ARHGEF38: variants seen among roughly 807,000 people sequenced by gnomAD.
ARHGEF38 encodes the protein Rho guanine nucleotide exchange factor (GEF) 38.
Under a neutral mutation model 79.9 loss-of-function variants are expected in ARHGEF38, and 79 were observed. That is an observed-to-expected ratio of 0.99 (90% CI 0.82 to 1.19). ARHGEF38 has a LOEUF of 1.19. Ranked by LOEUF, ARHGEF38 falls within the 50% of genes most tolerant of loss-of-function variation. The pLI is 0.00. For synonymous variants in ARHGEF38, 366 were observed against 328.3 expected, an observed-to-expected ratio of 1.11 and a Z score of -1.24; for missense variants, 962 against 907.2, an observed-to-expected ratio of 1.06 and a Z score of -0.78.
chr4:105,569,424 G>A (rs186024483), intron 1 of ARHGEF38, among the ~76,000 whole-genome samples: 129 of 152,254 alleles, frequency 8.5e-4, no homozygotes, highest in Non-Finnish European at 1.5e-3. Context: ...CTGATAGATG[G>A]TCAATCTCCC....
chr4:105,624,698 GA>G (rs1728871394), intron 3 of ARHGEF38, among the ~76,000 whole-genome samples: 1 of 152,224 alleles, frequency 6.6e-6, no homozygotes, highest in African/African-American at 2.4e-5. Flanking sequence ...AAGAAAGGGA[GA>G]AAGTATTCAG....
At chr4:105,626,890 C>A (rs1728971336) in intron 3 of ARHGEF38, among the ~76,000 whole-genome samples, 1 of 151,496 alleles carries the variant, frequency 6.6e-6, no homozygotes, top group Non-Finnish European at 1.5e-5. Context: ...TCCAGCCACA[C>A]TAGATCATTC....
At position 105,667,692 on chromosome 4, in the gene ARHGEF38, G is replaced by A. The variant is rs143852501; in HGVS notation, c.2137G>A (p.Val713Ile). 479 of 1,536,142 alleles carry A rather than the reference G, an allele frequency of 3.1e-4. 1 individual carries two copies. In the African/African-American group the frequency reaches 5.7e-3, roughly 18 times the overall value. Residue 713 changes from valine (V) to isoleucine (I), a missense_variant, in exon 13 of 14, where the codon GTA becomes ATA. Val to Ile is a conservative substitution (Grantham distance 29, BLOSUM62 3). Transcript: ENST00000420470. Reference protein sequence around the residue: ...NGTDVDSFQEVDEQIFYAVHA... With the variant: ...NGTDVDSFQEIDEQIFYAVHA... ...TACTGATGTTGACAGTTTTCAAGAA[G>A]TAGACGAACAGGTAAAAATTTGATG...
At chr4:105,558,730 G>A (rs1476815421) in intron 1 of ARHGEF38, among the ~76,000 whole-genome samples, 5 of 152,008 alleles carry the variant, frequency 3.3e-5, no homozygotes, top group African/African-American at 1.2e-4. Context: ...CTACCATATT[G>A]TGATGGGCAA....
intron 2 of ARHGEF38, among the ~76,000 whole-genome samples, chr4:105,605,749 T>C (rs1277791896): frequency 6.6e-6 from 1 of 152,140 alleles, no homozygotes; most frequent in Non-Finnish European, 1.5e-5. Context: ...GTAAATGCCA[T>C]AGTAATGAGT....
At position 105,679,095 on chromosome 4, in the gene ARHGEF38, G is replaced by A. The variant is rs959897114; in HGVS notation, c.*1158G>A. 6 of 538,110 alleles carry A rather than the reference G, an allele frequency of 1.1e-5. No homozygotes were observed. The highest frequency in any genetic ancestry group is 1.8e-5 in the Non-Finnish European group (6 of 337,234). 33.3% of individuals were successfully genotyped at this position (538,110 alleles called of 1,614,324 possible). A position where few individuals can be genotyped will look rare whatever the true frequency, so the allele number is the denominator to read the frequency against. On this transcript the variant is annotated 3_prime_UTR_variant, in exon 14 of 14. Transcript: ENST00000420470. The stretch of plus-strand genomic sequence containing the variant: ...GGCCCCCACTTCTTGATCTATTTCT[G>A]TTCCACTTCGTCTTCTACCATCTTG...
chr4:105,552,834 G>A lies in ARHGEF38; in HGVS notation c.69G>A (p.Arg23=). The change falls in exon 1 of 14, where the codon AGG becomes AGA. Residue 23 remains arginine (R), a synonymous_variant. Coordinates refer to ENST00000420470, the MANE Select transcript of ARHGEF38 (RefSeq NM_001242729.2). ...AGAAAAAGAATCTGGCCTTCTTGAG[G>A]TCTAGACTCTATATGCTGGAGAGAA... ...VTKKKNLAFL[R]SRLYMLERRK... is the part of the protein sequence containing the mutation. The A allele has an allele frequency of 1.2e-6, 2 of 1,613,940 alleles. No homozygotes were observed. Among genetic ancestry groups the A allele is most frequent in the South Asian group, 2.2e-5 (2 of 91,052 alleles).
At chr4:105,670,681 C>T (rs138558052) in intron 13 of ARHGEF38, among the ~76,000 whole-genome samples, 42 of 152,276 alleles carry the variant, frequency 2.8e-4, no homozygotes, top group African/African-American at 8.7e-4. Context: ...CTTGTTCACT[C>T]TGTTGTTTAT....
At chr4:105,612,548 C>T (rs888236516) in intron 2 of ARHGEF38, among the ~76,000 whole-genome samples, 1 of 152,050 alleles carries the variant, frequency 6.6e-6, no homozygotes, top group Non-Finnish European at 1.5e-5. Flanking sequence ...GTGGCCTGAC[C>T]AGTCACTATA....
At chr4:105,661,476 TA>T (rs879315796) in intron 10 of ARHGEF38, among the ~76,000 whole-genome samples, 285 of 14,652 alleles carry the variant, frequency 0.019, 3 homozygotes, top group African/African-American at 0.048. Flanking sequence ...CACACCTCTT[TA>T]TTATTATTAT....
At chr4:105,648,954 C>T (rs1054613415) in intron 7 of ARHGEF38, among the ~76,000 whole-genome samples, 3 of 152,024 alleles carry the variant, frequency 2.0e-5, no homozygotes, top group African/African-American at 7.2e-5. Flanking sequence ...AAAAGAGAGA[C>T]ACGGACATGG....
intron 2 of ARHGEF38, among the ~76,000 whole-genome samples, chr4:105,603,125 C>T (rs1727895717): frequency 6.6e-6 from 1 of 152,142 alleles, no homozygotes; most frequent in African/African-American, 2.4e-5. Context: ...AAAATTCATT[C>T]CACAGTTTTC....
chr4:105,645,389 T>C lies in ARHGEF38; in HGVS notation c.874+2T>C, dbSNP rs571740544. On this transcript the variant is annotated splice_donor_variant, in intron 6 of 13. Coordinates refer to ENST00000420470, the MANE Select transcript of ARHGEF38 (RefSeq NM_001242729.2). LOFTEE classifies it high-confidence loss of function. ...AACTTAAAAGAAGGAAAGATTTAGG[T>C]AGGAAGAGACATGATGAATTGGTTG... The C allele has an allele frequency of 6.6e-7, 1 of 1,519,646 alleles. No individual in the cohort carries two copies. Among genetic ancestry groups the C allele is most frequent in the South Asian group, 1.2e-5 (1 of 80,562 alleles). The allele number at this position is 1,519,646 out of a possible 1,614,324, so 94.1% of individuals were successfully genotyped here. A position where few individuals can be genotyped will look rare whatever the true frequency, so the allele number is the denominator to read the frequency against.
chr4:105,661,474 TTTATTA>T (rs140964351), intron 10 of ARHGEF38, among the ~76,000 whole-genome samples: 16,531 of 141,612 alleles, frequency 0.12, 1,489 homozygotes, highest in African/African-American at 0.26. Context: ...TCCACACCTC[TTTATTA>T]TTATTATTAT....
intron 2 of ARHGEF38, among the ~76,000 whole-genome samples, chr4:105,608,807 T>G (rs1049178168): frequency 1.3e-5 from 2 of 151,964 alleles, no homozygotes; most frequent in Admixed American, 6.6e-5. Context: ...TTATTTCATC[T>G]CTCAGGTATT....
chr4:105,645,293 C>A lies in ARHGEF38; in HGVS notation c.780C>A (p.Pro260=), dbSNP rs1377876304. Residue 260 remains proline, a synonymous_variant, in exon 6 of 14, where the codon CCC becomes CCA. Transcript: ENST00000420470. ...LLCELRNSTP[P]SHPDYRALDD... ...GCGAACTTCGGAATTCCACCCCTCC[C>A]TCTCACCCAGATTACAGAGCACTGG... is the stretch of plus-strand genomic sequence containing the variant. The A allele has an allele frequency of 6.5e-7, 1 of 1,536,604 alleles. No homozygotes were observed. Among genetic ancestry groups the A allele is most frequent in the Non-Finnish European group, 8.7e-7 (1 of 1,146,980 alleles).
chr4:105,587,523 C>T (rs1365435007), intron 1 of ARHGEF38, among the ~76,000 whole-genome samples: 4 of 152,064 alleles, frequency 2.6e-5, no homozygotes, highest in South Asian at 2.1e-4. Flanking sequence ...TGCAGTGGCA[C>T]GATCTCGGCT....
At chr4:105,587,893 C>G (rs1727133964) in intron 1 of ARHGEF38, among the ~76,000 whole-genome samples, 1 of 152,206 alleles carries the variant, frequency 6.6e-6, no homozygotes, top group Admixed American at 6.5e-5. Context: ...TCCAAACATA[C>G]TCACCTGTGG....
chr4:105,629,180 T>C (rs529309502), intron 3 of ARHGEF38, among the ~76,000 whole-genome samples: 9 of 152,306 alleles, frequency 5.9e-5, no homozygotes, highest in Admixed American at 2.6e-4. Context: ...AAATTGTTTC[T>C]GATTTCAAGT....
Sources: allele counts gnomAD v4.1 joint callset (sites outside exome capture counted in the v4.1 genomes callset), GRCh38; gene constraint gnomAD v4.1.1; transcripts MANE v1.5; gene names NCBI Gene and HGNC (gene_info 2026-07-23, HGNC 2026-07-21).